PTGER3: variants seen among roughly 807,000 people sequenced by gnomAD.
PTGER3 encodes prostaglandin E receptor 3.
PTGER3 carries 22 observed loss-of-function variants against 34.7 expected under a neutral mutation model. The ratio of observed to expected loss-of-function variants is 0.63; its 90% confidence interval spans 0.45 to 0.91. The LOEUF is 0.91. Ranked by LOEUF, PTGER3 falls within the 40% of genes least tolerant of loss-of-function variation. The pLI is 0.00. For synonymous variants in PTGER3, 241 were observed against 230.1 expected, an observed-to-expected ratio of 1.05 and a Z score of -0.43; for missense variants, 468 against 519.4, an observed-to-expected ratio of 0.90 and a Z score of 0.96.
intron 4 of PTGER3, among the ~76,000 whole-genome samples, chr1:70,889,289 C>A (rs1299633315): frequency 6.6e-6 from 1 of 151,758 alleles, no homozygotes; most frequent in Non-Finnish European, 1.5e-5. Context: ...GTGGCGGGTG[C>A]CTGTAGTCCC....
At chr1:71,021,084 G>A (rs1658375152) in intron 1 of PTGER3, among the ~76,000 whole-genome samples, 1 of 152,014 alleles carries the variant, frequency 6.6e-6, no homozygotes, top group South Asian at 2.1e-4. Context: ...ATGCTTAGGG[G>A]AATACGACAA....
chr1:70,865,637 T>C, intron 4 of PTGER3: 1 of 1,347,840 alleles, frequency 7.4e-7, no homozygotes, highest in Admixed American at 1.9e-5. Flanking sequence ...AGAGATAGGC[T>C]GACTTCCTGG....
At chr1:70,978,315 C>T (rs1653907681) in intron 2 of PTGER3, among the ~76,000 whole-genome samples, 1 of 152,216 alleles carries the variant, frequency 6.6e-6, no homozygotes, top group Middle Eastern at 3.4e-3. Flanking sequence ...TACAAACCTC[C>T]CCCCACTTTT....
Position 70,975,149 on chromosome 1 carries a change from T to C in PTGER3, c.1078-761A>G, listed in dbSNP as rs958637837. ...TATTGATGTGTCATTGTACCTAAGC[T>C]ATAAGCTTCACAAGAGCAGGAACTG... On this transcript the variant is annotated intron_variant, in intron 2 of 3. Transcript: ENST00000306666. Among the ~76,000 whole-genome samples, 6 of 152,168 alleles carry C rather than the reference T, an allele frequency of 3.9e-5. No individual in the cohort carries two copies. In the East Asian group the frequency reaches 1.2e-3, roughly 29 times the overall value.
chr1:70,860,711 G>A (rs944500109), intron 4 of PTGER3, among the ~76,000 whole-genome samples: 1 of 152,076 alleles, frequency 6.6e-6, no homozygotes, highest in African/African-American at 2.4e-5. Flanking sequence ...TACCAATAAT[G>A]TTATGTGAGA....
intron 2 of PTGER3, chr1:71,012,079 T>A: frequency 6.7e-7 from 1 of 1,484,246 alleles, no homozygotes; most frequent in Non-Finnish European, 8.9e-7. Flanking sequence ...TCTATGCTTC[T>A]AAGACCATTT....
intron 4 of PTGER3, among the ~76,000 whole-genome samples, chr1:70,945,688 T>A (rs1650164316): frequency 6.6e-6 from 1 of 152,104 alleles, no homozygotes; most frequent in African/African-American, 2.4e-5. Flanking sequence ...AGAAAAGCTG[T>A]TTTTATCTTT....
intron 2 of PTGER3, among the ~76,000 whole-genome samples, chr1:70,993,007 T>C (rs1655609510): frequency 1.3e-5 from 2 of 152,176 alleles, no homozygotes; most frequent in South Asian, 4.1e-4. Flanking sequence ...CAATTAACCT[T>C]GTTTTTCTTC....
intron 4 of PTGER3, among the ~76,000 whole-genome samples, chr1:70,866,171 A>C (rs1646038523): frequency 6.6e-6 from 1 of 152,162 alleles, no homozygotes; most frequent in Admixed American, 6.5e-5. Flanking sequence ...TGCTCACCAG[A>C]GGGCTTGGCC....
chr1:70,898,329 C>T (rs1422581540), intron 4 of PTGER3, among the ~76,000 whole-genome samples: 3 of 150,684 alleles, frequency 2.0e-5, no homozygotes, highest in East Asian at 4.0e-4. Flanking sequence ...ACTACAACTC[C>T]AGATCAAGGT....
downstream of PTGER3, among the ~76,000 whole-genome samples, chr1:70,969,454 T>C (rs1652863982): frequency 6.6e-6 from 1 of 152,058 alleles, no homozygotes; most frequent in East Asian, 1.9e-4. Context: ...AAGAGACCTG[T>C]GGAAAAAAAT....
intron 2 of PTGER3, among the ~76,000 whole-genome samples, chr1:70,975,583 CA>C (rs1228228421): frequency 6.6e-6 from 1 of 152,086 alleles, no homozygotes; most frequent in Non-Finnish European, 1.5e-5. Context: ...ATTATACAAG[CA>C]GTCCAGACAG....
At chr1:70,860,864 A>G (rs1230656393) in intron 4 of PTGER3, among the ~76,000 whole-genome samples, 1 of 152,208 alleles carries the variant, frequency 6.6e-6, no homozygotes, top group Non-Finnish European at 1.5e-5. Flanking sequence ...ATGGAAATTT[A>G]TATAAGGCAC....
At chr1:71,023,179 T>C (rs1658579314) in intron 1 of PTGER3, among the ~76,000 whole-genome samples, 2 of 151,872 alleles carry the variant, frequency 1.3e-5, no homozygotes, top group Admixed American at 6.6e-5. Flanking sequence ...TCACAAATCC[T>C]CAGACAAGGC....
intron 4 of PTGER3, among the ~76,000 whole-genome samples, chr1:70,942,692 G>A (rs1268214625): frequency 1.3e-5 from 2 of 152,156 alleles, no homozygotes; most frequent in African/African-American, 4.8e-5. Flanking sequence ...CAGTGTCATA[G>A]AATGTGACTG....
At chr1:71,040,123 A>C (rs1660181953) in intron 1 of PTGER3, among the ~76,000 whole-genome samples, 1 of 151,838 alleles carries the variant, frequency 6.6e-6, no homozygotes, top group Admixed American at 6.6e-5. Context: ...AAAGAAAAAA[A>C]AGAAAGAGAA....
intron 2 of PTGER3, among the ~76,000 whole-genome samples, chr1:70,963,250 C>G (rs911296737): frequency 6.6e-6 from 1 of 152,164 alleles, no homozygotes; most frequent in Non-Finnish European, 1.5e-5. Flanking sequence ...CATTGAGTAT[C>G]TAAGGCTTTT....
intron 3 of PTGER3, among the ~76,000 whole-genome samples, chr1:70,973,583 G>T (rs929472368): frequency 6.6e-6 from 1 of 151,980 alleles, no homozygotes; most frequent in Non-Finnish European, 1.5e-5. Context: ...ATTACCCAGA[G>T]AATAAAATAA....
intron 1 of PTGER3, among the ~76,000 whole-genome samples, chr1:71,014,628 C>G (rs1657731562): frequency 6.6e-6 from 1 of 152,152 alleles, no homozygotes; most frequent in African/African-American, 2.4e-5. Flanking sequence ...GAAGAACCCA[C>G]AGGTCTCTCC....
Sources: gnomAD v4.1 joint callset for allele counts (sites outside exome capture counted in the v4.1 genomes callset) on GRCh38, gnomAD v4.1.1 for gene constraint, MANE v1.5 for transcripts, NCBI Gene and HGNC (gene_info 2026-07-23, HGNC 2026-07-21) for gene names.